The following RBM6 variants were observed in gnomAD, a reference collection of about 807,000 sequenced individuals.
RBM6 encodes the protein RNA-binding protein 6.
RBM6 carries 23 observed loss-of-function variants against 140.4 expected under a neutral mutation model. The ratio of observed to expected loss-of-function variants is 0.16; its 90% CI spans 0.12 to 0.23. The LOEUF is 0.23. RBM6 is among the 10% of genes least tolerant of loss of function. RBM6 has a pLI of 1.00. For synonymous variants in RBM6, 439 were observed against 475.6 expected, an observed-to-expected ratio of 0.92 and a Z score of 1.00; for missense variants, 1,139 against 1,386.7, an observed-to-expected ratio of 0.82 and a Z score of 2.84.
intron 18 of RBM6, among the ~76,000 whole-genome samples, chr3:50,069,594 G>T (rs1225484196): frequency 6.6e-6 from 1 of 151,924 alleles, no homozygotes; most frequent in Non-Finnish European, 1.5e-5. Flanking sequence ...GGAGGCTGAG[G>T]TGGGAGAATT....
chr3:49,984,618 ATCG>A (rs1553643610), intron 5 of RBM6, among the ~76,000 whole-genome samples: 3,586 of 148,360 alleles, frequency 0.024, 94 homozygotes, highest in African/African-American at 0.058. Flanking sequence ...ATCACATCGC[ATCG>A]CATCGCATCG....
chr3:49,978,217 TC>T (rs755846581), intron 5 of RBM6, among the ~76,000 whole-genome samples: 21 of 152,130 alleles, frequency 1.4e-4, no homozygotes, highest in Non-Finnish European at 2.5e-4. Flanking sequence ...CCCAGGCTGG[TC>T]TTGAACTCCT....
intron 15 of RBM6, among the ~76,000 whole-genome samples, chr3:50,064,796 C>T (rs1414378766): frequency 2.0e-5 from 3 of 152,172 alleles, no homozygotes; most frequent in African/African-American, 7.2e-5. Context: ...CCTCAGCCTC[C>T]CTACTAACTG....
chr3:50,000,052 A>T (rs878986083), intron 6 of RBM6, among the ~76,000 whole-genome samples: 2 of 152,170 alleles, frequency 1.3e-5, no homozygotes, highest in South Asian at 4.1e-4. Flanking sequence ...TTTTTTGCCA[A>T]TTGGAGTTGC....
At chr3:49,951,561 T>A (rs552787472) in intron 1 of RBM6, among the ~76,000 whole-genome samples, 11 of 150,994 alleles carry the variant, frequency 7.3e-5, no homozygotes, top group South Asian at 2.1e-4. Flanking sequence ...TTATTTATTA[T>A]TTATTTATTT....
chr3:50,013,807 A>G (rs1032159509), intron 6 of RBM6, among the ~76,000 whole-genome samples: 36 of 152,276 alleles, frequency 2.4e-4, no homozygotes, highest in African/African-American at 8.2e-4. Flanking sequence ...GGCCTTAATA[A>G]TGTTATTCGT....
rs1233782343 is a variant in RBM6 at position 50,012,200 on chromosome 3, A to C, written c.1557+12687A>C. 4.6e-5 allele frequency among the ~76,000 whole-genome samples: 7 copies of C among 151,992 alleles called. No homozygotes were observed. In the South Asian group the frequency reaches 1.5e-3, roughly 32 times the overall value. On this transcript the variant is annotated intron_variant, in intron 6 of 20. Coordinates refer to ENST00000266022, the MANE Select transcript of RBM6 (RefSeq NM_005777.3). ...CGGATCCCCGTTTGGGGATACATTT[A>C]CATTTTTAATTTTTTAATTTTTATT...
rs761024656 is a variant in RBM6 at position 50,012,366 on chromosome 3, C to CT, written c.1557+12862dup. On this transcript the variant is annotated intron_variant, in intron 6 of 20. Transcript: ENST00000266022. ...CCCAGTCCATTCCAATTTTTTTTTT[C>CT]TTTTTTTTTGAGATAGAGCCTCACT... 2.4e-3 allele frequency among the ~76,000 whole-genome samples: 356 copies of CT among 148,262 alleles called. 8 individuals are homozygous for CT. In the East Asian group the frequency reaches 0.055, roughly 23 times the overall value.
At chr3:49,994,699 CCT>C (rs1189848646) in intron 5 of RBM6, among the ~76,000 whole-genome samples, 3 of 75,870 alleles carry the variant, frequency 4.0e-5, no homozygotes, top group African/African-American at 1.7e-4. Flanking sequence ...TGTGTGTTTT[CCT>C]CTCAAAGATA....
chr3:50,020,608 G>C (rs2087427134), intron 6 of RBM6, among the ~76,000 whole-genome samples: 1 of 152,140 alleles, frequency 6.6e-6, no homozygotes, highest in Non-Finnish European at 1.5e-5. Context: ...TACAGTTAAT[G>C]ATGGGGATAA....
rs72219946 is a variant in RBM6 at position 49,984,611 on chromosome 3, A to ACATCGCATCGCATCG, written c.1483+9258_1483+9272dup. ...ACATCACATCACATCACATCACATC[A>ACATCGCATCGCATCG]CATCGCATCGCATCGCATCGCATCG... is the stretch of plus-strand genomic sequence containing the variant. On this transcript the variant is annotated intron_variant, in intron 5 of 20. Transcript: ENST00000266022. Among the ~76,000 whole-genome samples, 84 of 86,148 alleles carry ACATCGCATCGCATCG rather than the reference A, an allele frequency of 9.8e-4. 1 individual carries two copies. The highest frequency in any genetic ancestry group is 0.011 in the Middle Eastern group (2 of 184). 56.5% of individuals were successfully genotyped at this position (86,148 alleles called of 152,430 possible). A position where few individuals can be genotyped will look rare whatever the true frequency, so the allele number is the denominator to read the frequency against.
intron 1 of RBM6, among the ~76,000 whole-genome samples, chr3:49,951,873 C>A (rs1434584727): frequency 1.3e-5 from 2 of 152,000 alleles, no homozygotes; most frequent in Non-Finnish European, 2.9e-5. Context: ...CAGGTGCCCG[C>A]CACCACGCCT....
At chr3:50,065,729 T>G (rs1174314101) in intron 16 of RBM6, 1 of 440,034 alleles carries the variant, frequency 2.3e-6, no homozygotes, top group Non-Finnish European at 4.6e-6. Context: ...TAAGGTACCC[T>G]TTTCCTGCTC....
intron 8 of RBM6, among the ~76,000 whole-genome samples, chr3:50,055,161 C>T (rs1445594760): frequency 2.0e-5 from 3 of 152,232 alleles, no homozygotes; most frequent in Non-Finnish European, 4.4e-5. Context: ...GGCATGGTGG[C>T]TAACGCTTGT....
At chr3:50,019,578 C>T (rs2087371573) in intron 6 of RBM6, among the ~76,000 whole-genome samples, 1 of 152,028 alleles carries the variant, frequency 6.6e-6, no homozygotes, top group African/African-American at 2.4e-5. Flanking sequence ...TGGTCTCCAG[C>T]TCTTGGGCCC....
At chr3:50,022,522 G>T (rs921880354) in intron 6 of RBM6, among the ~76,000 whole-genome samples, 2 of 151,966 alleles carry the variant, frequency 1.3e-5, no homozygotes, top group African/African-American at 4.8e-5. Context: ...TAGAGACAGG[G>T]TTTCTCCATG....
intron 7 of RBM6, among the ~76,000 whole-genome samples, chr3:50,052,138 C>G (rs2089494393): frequency 6.6e-6 from 1 of 152,206 alleles, no homozygotes; most frequent in South Asian, 2.1e-4. Flanking sequence ...AATCTCGGCT[C>G]ACGACAACCT....
intron 2 of RBM6, among the ~76,000 whole-genome samples, chr3:49,966,788 G>C (rs1325061916): frequency 6.6e-6 from 1 of 151,826 alleles, no homozygotes; most frequent in Non-Finnish European, 1.5e-5. Flanking sequence ...GATACCCTTG[G>C]GTAGTTATAA....
At chr3:50,042,992 C>A (rs1424039477) in intron 6 of RBM6, among the ~76,000 whole-genome samples, 1 of 152,124 alleles carries the variant, frequency 6.6e-6, no homozygotes, top group Non-Finnish European at 1.5e-5. Flanking sequence ...ACTTGATTTG[C>A]CATTCTGGAG....
Sources: gnomAD v4.1 joint callset for allele counts (sites outside exome capture counted in the v4.1 genomes callset) on GRCh38, gnomAD v4.1.1 for gene constraint, MANE v1.5 for transcripts, NCBI Gene and HGNC (gene_info 2026-07-23, HGNC 2026-07-21) for gene names.